PARD3B: variants seen among roughly 807,000 people sequenced by gnomAD.
PARD3B encodes the protein par-3 family cell polarity regulator beta.
PARD3B carries 103 observed loss-of-function variants against 130.2 expected under a neutral mutation model. The observed-to-expected ratio is 0.79, with a 90% confidence interval of 0.67 to 0.93. The LOEUF is 0.93. Ranked by LOEUF, PARD3B falls within the 40% of genes least tolerant of loss-of-function variation. The probability of loss-of-function intolerance (pLI) is 0.00; values close to 1 mark genes in which losing one functional copy is unlikely to be tolerated. For synonymous variants in PARD3B, 583 were observed against 553.2 expected, an observed-to-expected ratio of 1.05 and a Z score of -0.76; for missense variants, 1,609 against 1,499.2, an observed-to-expected ratio of 1.07 and a Z score of -1.21.
chr2:204,741,135 G>T (rs1384558658), intron 2 of PARD3B, among the ~76,000 whole-genome samples: 3 of 152,098 alleles, frequency 2.0e-5, no homozygotes, highest in African/African-American at 7.2e-5. Flanking sequence ...CTTTGTTCCT[G>T]TATCACTAAT....
chr2:204,584,267 G>A (rs1299555019), intron 1 of PARD3B, among the ~76,000 whole-genome samples: 3 of 152,148 alleles, frequency 2.0e-5, no homozygotes, highest in Admixed American at 6.5e-5. Flanking sequence ...AGGTATTTAT[G>A]GTATGACTTG....
chr2:205,082,349 A>G (rs983157520), intron 4 of PARD3B, among the ~76,000 whole-genome samples: 5 of 152,210 alleles, frequency 3.3e-5, no homozygotes, highest in Non-Finnish European at 5.9e-5. Flanking sequence ...AGCATAATTT[A>G]TAAATTATGC....
At chr2:204,576,187 CTT>C (rs1399343447) in intron 1 of PARD3B, among the ~76,000 whole-genome samples, 3 of 152,158 alleles carry the variant, frequency 2.0e-5, no homozygotes, top group South Asian at 2.1e-4. Flanking sequence ...ATATTTGACT[CTT>C]TTTAAAGTTA....
chr2:204,734,568 A>C (rs903724188), intron 2 of PARD3B, among the ~76,000 whole-genome samples: 1 of 152,178 alleles, frequency 6.6e-6, no homozygotes, highest in East Asian at 1.9e-4. Flanking sequence ...ATTCTACTCA[A>C]TACAGTGGAA....
intron 21 of PARD3B, among the ~76,000 whole-genome samples, chr2:205,544,572 G>T (rs2106469890): frequency 6.6e-6 from 1 of 152,246 alleles, no homozygotes; most frequent in Non-Finnish European, 1.5e-5. Context: ...AGAGCTGGCA[G>T]GAGATGTCTG....
chr2:204,844,934 C>T (rs1177606495), intron 2 of PARD3B, among the ~76,000 whole-genome samples: 2 of 152,042 alleles, frequency 1.3e-5, no homozygotes, highest in Non-Finnish European at 2.9e-5. Flanking sequence ...CTCAATTGCT[C>T]TTACTCTCCT....
At chr2:204,680,053 T>C (rs2036752081) in intron 1 of PARD3B, among the ~76,000 whole-genome samples, 1 of 152,060 alleles carries the variant, frequency 6.6e-6, no homozygotes. Context: ...AGGATATTGG[T>C]ATCAAATTTA....
intron 3 of PARD3B, among the ~76,000 whole-genome samples, chr2:205,022,946 C>T (rs1249133494): frequency 6.6e-6 from 1 of 152,126 alleles, no homozygotes; most frequent in African/African-American, 2.4e-5. Flanking sequence ...GTTTCAACAG[C>T]TATTTATTTA....
At chr2:205,400,588 A>C (rs1354997908) in intron 18 of PARD3B, among the ~76,000 whole-genome samples, 2 of 151,970 alleles carry the variant, frequency 1.3e-5, no homozygotes, top group Non-Finnish European at 2.9e-5. Flanking sequence ...ATTTCAGTGA[A>C]CGAAGATCAC....
chr2:204,971,980 T>C (rs548427457), intron 3 of PARD3B, among the ~76,000 whole-genome samples: 1 of 152,202 alleles, frequency 6.6e-6, no homozygotes, highest in South Asian at 2.1e-4. Flanking sequence ...TTTTAGATTT[T>C]GTTTTCAGAG....
chr2:204,841,834 A>T (rs1214593583), intron 2 of PARD3B, among the ~76,000 whole-genome samples: 1 of 151,960 alleles, frequency 6.6e-6, no homozygotes, highest in Non-Finnish European at 1.5e-5. Context: ...TAATTAGCTA[A>T]TTTTTTTGCA....
chr2:204,876,345 TTCTTAAAG>T (rs1383616209), intron 2 of PARD3B, among the ~76,000 whole-genome samples: 1 of 152,228 alleles, frequency 6.6e-6, no homozygotes, highest in Non-Finnish European at 1.5e-5. Context: ...TGCAAATATT[TTCTTAAAG>T]TTGGCTAGAA....
chr2:204,889,758 A>C (rs1355721123), intron 2 of PARD3B, among the ~76,000 whole-genome samples: 1 of 152,244 alleles, frequency 6.6e-6, no homozygotes. Context: ...ACAGTGTCAA[A>C]CTACTTAGGC....
At chr2:204,857,078 A>G (rs904644262) in intron 2 of PARD3B, among the ~76,000 whole-genome samples, 4 of 152,130 alleles carry the variant, frequency 2.6e-5, no homozygotes, top group African/African-American at 9.7e-5. Context: ...TTAAAAAAGA[A>G]TCTCTCACTT....
chr2:204,931,329 G>T (rs1164504406), intron 2 of PARD3B, among the ~76,000 whole-genome samples: 1 of 152,002 alleles, frequency 6.6e-6, no homozygotes. Context: ...AGTGTTTATT[G>T]AAATTATCCA....
chr2:204,761,174 G>A (rs954673360), intron 2 of PARD3B, among the ~76,000 whole-genome samples: 1 of 152,144 alleles, frequency 6.6e-6, no homozygotes, highest in African/African-American at 2.4e-5. Flanking sequence ...ATCATTGTAT[G>A]GCCAAGGATG....
At chr2:205,306,132 AC>A (rs2042174950) in intron 18 of PARD3B, among the ~76,000 whole-genome samples, 2 of 152,056 alleles carry the variant, frequency 1.3e-5, no homozygotes, top group South Asian at 4.2e-4. Context: ...GAGGGAGGGG[AC>A]CATGAGCCAA....
chr2:205,610,727 T>G (rs1018055477), intron 22 of PARD3B, among the ~76,000 whole-genome samples: 3 of 152,206 alleles, frequency 2.0e-5, no homozygotes, highest in Non-Finnish European at 4.4e-5. Flanking sequence ...TTACAGTCAT[T>G]CTGTGTTGGA....
chr2:204,830,996 T>A (rs1327564529), intron 2 of PARD3B, among the ~76,000 whole-genome samples: 2 of 152,226 alleles, frequency 1.3e-5, no homozygotes, highest in South Asian at 4.1e-4. Context: ...TAAAATGATA[T>A]CTCCTTTTAT....
Sources: allele counts gnomAD v4.1 joint callset (sites outside exome capture counted in the v4.1 genomes callset), GRCh38; gene constraint gnomAD v4.1.1; transcripts MANE v1.5; gene names NCBI Gene and HGNC (gene_info 2026-07-23, HGNC 2026-07-21).